The following COCH variants were observed in gnomAD, a reference collection of about 807,000 sequenced individuals.
COCH encodes the protein coagulation factor C homolog, cochlin (Limulus polyphemus).
Under a neutral mutation model 54.8 loss-of-function variants are expected in COCH, and 40 were observed. The observed-to-expected ratio is 0.73, with a 90% confidence interval of 0.57 to 0.95. COCH has a LOEUF of 0.95. COCH is among the 40% of genes least tolerant of loss of function. The probability of loss-of-function intolerance (pLI) is 0.00; values close to 1 mark genes in which losing one functional copy is unlikely to be tolerated. For missense variants in COCH, 605 were observed against 675.0 expected (o/e 0.90, Z 1.15); for synonymous variants, 256 against 237.9 (o/e 1.08, Z -0.70).
chr14:30,878,039 A>T (rs910212043), intron 4 of COCH, among the ~76,000 whole-genome samples: 1 of 152,226 alleles, frequency 6.6e-6, no homozygotes, highest in African/African-American at 2.4e-5. Flanking sequence ...CTTCCACCAC[A>T]ACTCTACAAG....
In COCH at chr14:30,874,778, C is replaced by T; in HGVS notation, c.-23-138C>T. On this transcript the variant is annotated intron_variant, in intron 1 of 11. Coordinates refer to ENST00000396618, the MANE Select transcript of COCH (RefSeq NM_004086.3). Reference sequence around the variant, plus strand: ...GGCGCCTCCCAGACCTAGAGGGGCGCTGGCCTGGAGCAGCGGGTCGTCTGT... The same window carrying T: ...GGCGCCTCCCAGACCTAGAGGGGCGTTGGCCTGGAGCAGCGGGTCGTCTGT... 5 of 798,812 alleles carry T rather than the reference C, an allele frequency of 6.3e-6. No individual in the cohort carries two copies. The South Asian group carries it at 7.6e-5, about 12-fold the overall frequency. 49.5% of individuals were successfully genotyped at this position (798,812 alleles called of 1,614,324 possible). A position where few individuals can be genotyped will look rare whatever the true frequency, so the allele number is the denominator to read the frequency against.
At chr14:30,888,734 T>C (rs1278769466) in intron 11 of COCH, among the ~76,000 whole-genome samples, 1 of 149,144 alleles carries the variant, frequency 6.7e-6, no homozygotes, top group Non-Finnish European at 1.5e-5. Flanking sequence ...GAGGCTGCAG[T>C]GAGCCTTGAT....
intron 5 of COCH, 151 bp from the exon 6 acceptor site, chr14:30,879,272 G>T (rs933138705): frequency 1.3e-6 from 1 of 793,158 alleles, no homozygotes; most frequent in Non-Finnish European, 2.1e-6. Context: ...TAAGCATTTT[G>T]GTTCTCTGAA....
rs558120815 is a variant in COCH at position 30,885,572 on chromosome 14, T to C, written c.912T>C (p.Pro304=). 3.1e-6 allele frequency: 5 copies of C among 1,612,526 alleles called. No homozygotes were observed. The Admixed American group carries it at 5.0e-5, about 16-fold the overall frequency. The change falls in exon 10 of 12, where the codon CCT becomes CCC. Residue 304 remains proline (P), a synonymous_variant. Transcript: ENST00000396618. ...TATTTATAGTTTCTGTGGCCAAGCC[T>C]ATCCCTGAAGAACTGGGGATGGTTC... is the stretch of plus-strand genomic sequence containing the variant. ...VNVFIVSVAK[P]IPEELGMVQD...
chr14:30,882,123 T>G (rs1454453139), intron 8 of COCH, among the ~76,000 whole-genome samples: 1 of 96,484 alleles, frequency 1.0e-5, no homozygotes, highest in African/African-American at 3.9e-5. Context: ...TAAAATGGTT[T>G]TTTTTTTTTT....
chr14:30,877,324 A>C lies in COCH; in HGVS notation c.83-248A>C. On this transcript the variant is annotated intron_variant, in intron 3 of 11. Coordinates refer to ENST00000396618, the MANE Select transcript of COCH (RefSeq NM_004086.3). This position sits in a 1 kb window ranked among gnomAD's most constrained non-coding sequence, Gnocchi z 8.6. ...CTTGGCGAGTCCCCATTTCAAAAAC[A>C]AAAACGAAATAAAAACCCAGAACTT... is the stretch of plus-strand genomic sequence containing the variant. 2.1e-6 allele frequency: 1 copy of C among 472,022 alleles called. No homozygotes were observed. Among genetic ancestry groups the C allele is most frequent in the East Asian group, 4.3e-5 (1 of 23,298 alleles). 29.2% of individuals were successfully genotyped at this position (472,022 alleles called of 1,614,324 possible). A position where few individuals can be genotyped will look rare whatever the true frequency, so the allele number is the denominator to read the frequency against.
intron 1 of COCH, 66 bp from the exon 2 acceptor site, chr14:30,874,850 C>T (rs771771730): frequency 4.1e-6 from 6 of 1,457,976 alleles, no homozygotes; most frequent in South Asian, 2.3e-5. Context: ...GGGTGCGGGG[C>T]TCTGAGGAGG....
intron 11 of COCH, 158 bp downstream of exon 11, chr14:30,886,470 T>C: frequency 1.2e-6 from 1 of 818,092 alleles, no homozygotes; most frequent in Non-Finnish European, 1.9e-6. Context: ...ATTCTACAGA[T>C]AAGGAAGCAA....
intron 8 of COCH, among the ~76,000 whole-genome samples, chr14:30,882,484 A>G (rs918355077): frequency 1.1e-4 from 16 of 152,064 alleles, no homozygotes; most frequent in Admixed American, 2.0e-4. Flanking sequence ...AACTCAGACT[A>G]TTAAAAATGC....
In COCH at chr14:30,884,622, G is replaced by C; in HGVS notation, c.699G>C (p.Lys233Asn). 6.2e-7 allele frequency: 1 copy of C among 1,613,720 alleles called. No homozygotes were observed. Among genetic ancestry groups the C allele is most frequent in the Non-Finnish European group, 8.5e-7 (1 of 1,179,708 alleles). ...CCAAAGATGTTTTGTTTGCCATAAA[G>C]GAAGTAGGTTTCAGAGGGGGTAATT... ...TSAKDVLFAI[K>N]EVGFRGGNSN... Residue 233 changes from lysine (K) to asparagine (N), a missense_variant, in exon 9 of 12, where the codon AAG (lysine) becomes AAC (asparagine). Coordinates refer to ENST00000396618, the MANE Select transcript of COCH (RefSeq NM_004086.3).
chr14:30,874,866 C>G (rs963131766), intron 1 of COCH, 50 bp from the exon 2 acceptor site: 1 of 1,557,942 alleles, frequency 6.4e-7, no homozygotes. Flanking sequence ...GGAGGTGACG[C>G]GCGGGGCCTC....
intron 11 of COCH, among the ~76,000 whole-genome samples, chr14:30,887,316 C>T: frequency 6.6e-6 from 1 of 151,796 alleles, no homozygotes; most frequent in Non-Finnish European, 1.5e-5. Flanking sequence ...ATCACTTGAA[C>T]CCAGGAGGCA....
chr14:30,888,036 A>AAAAT (rs1011318543), intron 11 of COCH, among the ~76,000 whole-genome samples: 77 of 152,280 alleles, frequency 5.1e-4, no homozygotes, highest in African/African-American at 1.9e-3. Context: ...CAAAAGCCAG[A>AAAAT]AAATAGGGTA....
At chr14:30,874,741 AT>A in intron 1 of COCH, 150 bp downstream of exon 1, 1 of 655,464 alleles carries the variant, frequency 1.5e-6, no homozygotes. Context: ...GCTTCGCTCG[AT>A]TTGCCGCCGA....
At chr14:30,881,920 T>C (rs186627205) in intron 8 of COCH, among the ~76,000 whole-genome samples, 8,842 of 151,622 alleles carry the variant, frequency 0.058, 423 homozygotes, top group East Asian at 0.26. Flanking sequence ...GCCAAGATCG[T>C]GCCACTGCAC....
Position 30,880,618 on chromosome 14 carries a change from T to C in COCH, c.513T>C (p.Asp171=). The change falls in exon 8 of 12, where the codon GAT becomes GAC. Residue 171 remains aspartate, a synonymous_variant. Coordinates refer to ENST00000396618, the MANE Select transcript of COCH (RefSeq NM_004086.3). ...AAGCAGACATTGCATTTCTGATTGA[T>C]GGAAGCTTTAATATTGGGCAGCGCC... The part of the protein sequence containing the change: ...DCKADIAFLI[D]GSFNIGQRRF... 2 of 1,614,146 alleles carry C rather than the reference T, an allele frequency of 1.2e-6. No homozygotes were observed. The highest frequency in any genetic ancestry group is 1.1e-5 in the South Asian group (1 of 91,080).
intron 9 of COCH, 131 bp from the exon 10 acceptor site, chr14:30,885,259 CTTTT>C: frequency 1.0e-6 from 1 of 967,910 alleles, no homozygotes; most frequent in Middle Eastern, 2.3e-4. Context: ...CTATATAATT[CTTTT>C]TTGTGTGCCC....
downstream of COCH, among the ~76,000 whole-genome samples, chr14:30,891,315 G>A (rs1895977135): frequency 6.6e-6 from 1 of 152,112 alleles, no homozygotes; most frequent in African/African-American, 2.4e-5. Flanking sequence ...CACCTTGTCT[G>A]TCTTTTCTAA....
chr14:30,894,912 G>C (rs866646425), downstream of COCH: 2 of 991,134 alleles, frequency 2.0e-6, no homozygotes, highest in Non-Finnish European at 2.5e-6. Context: ...TTTTTTTAAA[G>C]CAAAATAAGT....
Sources: gnomAD v4.1 joint callset for allele counts (sites outside exome capture counted in the v4.1 genomes callset) on GRCh38, gnomAD v4.1.1 for gene constraint, Gnocchi (gnomAD v3.1) non-coding constraint, MANE v1.5 for transcripts, NCBI Gene and HGNC (gene_info 2026-07-23, HGNC 2026-07-21) for gene names.